ZNF69: variants seen among roughly 807,000 people sequenced by gnomAD.
The protein encoded by ZNF69 is ZNF3.
A neutral mutation model predicts 50.9 loss-of-function variants in ZNF69; 47 were observed. That is an observed-to-expected ratio of 0.92 (90% CI 0.73 to 1.18). The LOEUF is 1.18. Ranked by LOEUF, ZNF69 falls within the 50% of genes most tolerant of loss-of-function variation. The pLI is 0.00. For missense variants in ZNF69, 717 were observed against 675.1 expected (o/e 1.06, Z -0.69); for synonymous variants, 216 against 223.1 (o/e 0.97, Z 0.29).
At chr19:11,918,192 G>T (rs1179992096), downstream of ZNF69, among the ~76,000 whole-genome samples, 1 of 152,110 alleles carries the variant, frequency 6.6e-6, no homozygotes, top group Non-Finnish European at 1.5e-5. Context: ...TAGATTATGG[G>T]TAAATTCAAA....
the ZNF69 span, among the ~76,000 whole-genome samples, chr19:11,964,036 T>C: frequency 6.6e-6 from 1 of 152,076 alleles, no homozygotes; most frequent in Non-Finnish European, 1.5e-5. Flanking sequence ...ATCAGTCGGG[T>C]GAGAAGTAGC....
At chr19:11,961,442 C>G in the ZNF69 span, among the ~76,000 whole-genome samples, 1 of 152,148 alleles carries the variant, frequency 6.6e-6, no homozygotes, top group South Asian at 2.1e-4. Flanking sequence ...TAAGTCACCC[C>G]AAGAGTCCTC....
chr19:11,977,116 C>G, the ZNF69 span: 16 of 1,614,010 alleles, frequency 9.9e-6, no homozygotes, highest in African/African-American at 2.1e-4. Flanking sequence ...GCAGAGGAAA[C>G]TCTACAGGGA....
chr19:11,975,333 C>T, the ZNF69 span, among the ~76,000 whole-genome samples: 20 of 152,132 alleles, frequency 1.3e-4, no homozygotes, highest in African/African-American at 4.6e-4. Context: ...CCACACCCCC[C>T]AAAGTTCTGG....
the ZNF69 span, among the ~76,000 whole-genome samples, chr19:11,959,253 A>G: frequency 6.6e-6 from 1 of 152,180 alleles, no homozygotes; most frequent in African/African-American, 2.4e-5. Context: ...AACCTTAATG[A>G]GTAGTTTGGT....
At chr19:11,979,907 A>G in the ZNF69 span, 1 of 1,391,574 alleles carries the variant, frequency 7.2e-7, no homozygotes, top group South Asian at 1.2e-5. Flanking sequence ...TAAATGTAAG[A>G]TATGTGGGAA....
the ZNF69 span, among the ~76,000 whole-genome samples, chr19:11,974,442 C>G: frequency 1.3e-5 from 2 of 151,804 alleles, no homozygotes; most frequent in Non-Finnish European, 2.9e-5. Flanking sequence ...GGTGATCCAC[C>G]CGCCTTGGCC....
At chr19:11,927,249 G>A in the ZNF69 span, among the ~76,000 whole-genome samples, 2 of 152,070 alleles carry the variant, frequency 1.3e-5, no homozygotes, top group South Asian at 4.2e-4. Flanking sequence ...AGGTGTTCAG[G>A]AGGCTGATGT....
chr19:11,973,141 A>G, the ZNF69 span, among the ~76,000 whole-genome samples: 1 of 152,156 alleles, frequency 6.6e-6, no homozygotes, highest in Middle Eastern at 3.4e-3. Flanking sequence ...TTATACAGAA[A>G]CGTTTCACTG....
the ZNF69 span, chr19:11,949,063 A>G: frequency 3.1e-6 from 5 of 1,609,078 alleles, no homozygotes; most frequent in East Asian, 2.2e-5. Flanking sequence ...ATCCTATCTT[A>G]TAAGTTTTCA....
rs1235655318 is a variant in ZNF69, at chr19:11,890,639, T to C, written c.63+2653T>C. On this transcript the variant is annotated intron_variant, in intron 1 of 3. Coordinates refer to ENST00000429654, the MANE Select transcript of ZNF69 (RefSeq NM_001364730.1). ...CACGCCTGCCTAATTTTTGTGTTTT[T>C]AGTAGAGATGGGGTTTCACCATGTT... Among the ~76,000 whole-genome samples the C allele has an allele frequency of 3.9e-5, 6 of 152,324 alleles. No individual in the cohort carries two copies. In the East Asian group the frequency reaches 9.7e-4, roughly 25 times the overall value.
At chr19:11,917,841 G>A (rs1191211816), downstream of ZNF69, among the ~76,000 whole-genome samples, 1 of 145,636 alleles carries the variant, frequency 6.9e-6, no homozygotes, top group African/African-American at 2.6e-5. Flanking sequence ...AGGCTGGAGT[G>A]CAGTGGCAGG....
chr19:11,922,272 ATTATG>A, the ZNF69 span, among the ~76,000 whole-genome samples: 1 of 152,230 alleles, frequency 6.6e-6, no homozygotes. Context: ...AAGGTCATAA[ATTATG>A]TTATGCTATA....
chr19:11,927,737 G>T, the ZNF69 span, among the ~76,000 whole-genome samples: 2 of 152,232 alleles, frequency 1.3e-5, no homozygotes, highest in Admixed American at 6.5e-5. Context: ...ATAGGTATTG[G>T]GACATCAGGA....
intron 1 of ZNF69, among the ~76,000 whole-genome samples, chr19:11,903,343 C>T (rs929264235): frequency 5.3e-5 from 8 of 151,988 alleles, no homozygotes; most frequent in Admixed American, 2.6e-4. Context: ...GTGGTAGAAC[C>T]CCGGCAGTGA....
chr19:11,930,298 A>G, the ZNF69 span, among the ~76,000 whole-genome samples: 5 of 148,548 alleles, frequency 3.4e-5, no homozygotes, highest in African/African-American at 1.3e-4. Flanking sequence ...GAAGAGAGAA[A>G]TATCCCAAAA....
the ZNF69 span, among the ~76,000 whole-genome samples, chr19:11,955,718 A>C: frequency 6.6e-6 from 1 of 152,368 alleles, no homozygotes; most frequent in African/African-American, 2.4e-5. Flanking sequence ...AAAGTATAGT[A>C]GATAATCAGT....
At chr19:11,977,077 C>T in the ZNF69 span, 2 of 1,614,144 alleles carry the variant, frequency 1.2e-6, no homozygotes. Context: ...GAACTTCACC[C>T]AGGAGGAGTG....
At chr19:11,953,052 A>ATCAACAGAGCGAGAC in the ZNF69 span, 1 of 152,168 alleles carries the variant, frequency 6.6e-6, no homozygotes, top group South Asian at 2.1e-4. Flanking sequence ...CTCTAGCCTG[A>ATCAACAGAGCGAGAC]TCAACAGAGC....
Sources: gnomAD v4.1 joint callset for allele counts (sites outside exome capture counted in the v4.1 genomes callset) on GRCh38, gnomAD v4.1.1 for gene constraint, MANE v1.5 for transcripts, NCBI Gene and HGNC (gene_info 2026-07-23, HGNC 2026-07-21) for gene names.